RAD51B: variants seen among roughly 807,000 people sequenced by gnomAD.
RAD51B encodes DNA repair protein RAD51 homolog 2.
A neutral mutation model predicts 42.2 loss-of-function variants in RAD51B; 38 were observed. That is an observed-to-expected ratio of 0.90 (90% confidence interval 0.70 to 1.18). The LOEUF (loss-of-function observed/expected upper bound fraction) is 1.18. Ranked by LOEUF, RAD51B falls within the 50% of genes most tolerant of loss-of-function variation. RAD51B has a pLI of 0.00. For missense variants in RAD51B, 373 were observed against 400.7 expected (o/e 0.93, Z 0.59); for synonymous variants, 154 against 145.2 (o/e 1.06, Z -0.43).
intron 8 of RAD51B, among the ~76,000 whole-genome samples, chr14:68,307,933 G>A (rs1214710013): frequency 3.9e-5 from 6 of 152,130 alleles, no homozygotes; most frequent in Admixed American, 1.3e-4. Context: ...TCTTACTGTT[G>A]TTCTTGCAAC....
At chr14:68,182,654 C>A (rs2079078597) in intron 7 of RAD51B, among the ~76,000 whole-genome samples, 1 of 152,186 alleles carries the variant, frequency 6.6e-6, no homozygotes, top group Non-Finnish European at 1.5e-5. Context: ...TGTTTAATTT[C>A]CTCACCACAT....
intron 7 of RAD51B, among the ~76,000 whole-genome samples, chr14:68,172,006 C>T (rs1026534402): frequency 2.6e-5 from 4 of 152,224 alleles, no homozygotes; most frequent in African/African-American, 9.6e-5. Flanking sequence ...CACACCCAGC[C>T]ATATTTCTCA....
intron 7 of RAD51B, among the ~76,000 whole-genome samples, chr14:68,097,946 A>G (rs1845925995): frequency 2.0e-5 from 3 of 152,038 alleles, no homozygotes; most frequent in Admixed American, 1.3e-4. Flanking sequence ...TGCATACTCC[A>G]TTTCCTCCCA....
chr14:68,437,380 C>A (rs868185202), intron 9 of RAD51B, among the ~76,000 whole-genome samples: 2 of 152,160 alleles, frequency 1.3e-5, no homozygotes, highest in Non-Finnish European at 2.9e-5. Context: ...GGTGAATTAA[C>A]TTTTTTATGT....
intron 7 of RAD51B, among the ~76,000 whole-genome samples, chr14:68,093,196 A>T (rs938754375): frequency 2.0e-5 from 3 of 151,838 alleles, no homozygotes; most frequent in Non-Finnish European, 2.9e-5. Context: ...CTTTGGTATC[A>T]GGATGATGCT....
At chr14:68,088,675 G>C (rs1327589132) in intron 7 of RAD51B, among the ~76,000 whole-genome samples, 1 of 132,794 alleles carries the variant, frequency 7.5e-6, no homozygotes, top group Non-Finnish European at 1.6e-5. Context: ...GATTGAGATG[G>C]AAAGAGTGGC....
chr14:67,956,640 A>G (rs1041369021), intron 7 of RAD51B, among the ~76,000 whole-genome samples: 1 of 152,242 alleles, frequency 6.6e-6, no homozygotes, highest in Non-Finnish European at 1.5e-5. Context: ...TCAGTAAACT[A>G]TACTTTAAAG....
chr14:68,311,374 A>G (rs1454293396), intron 8 of RAD51B, among the ~76,000 whole-genome samples: 1 of 152,212 alleles, frequency 6.6e-6, no homozygotes, highest in Non-Finnish European at 1.5e-5. Context: ...ATAAATGACA[A>G]TGCCACCAGC....
At chr14:67,959,730 A>G (rs1165927940) in intron 7 of RAD51B, among the ~76,000 whole-genome samples, 1 of 152,202 alleles carries the variant, frequency 6.6e-6, no homozygotes, top group Non-Finnish European at 1.5e-5. Context: ...TACTAATTAT[A>G]TATTTGCTTA....
chr14:68,379,965 A>T (rs1003092095), intron 8 of RAD51B, among the ~76,000 whole-genome samples: 3 of 152,244 alleles, frequency 2.0e-5, no homozygotes, highest in Admixed American at 6.5e-5. Flanking sequence ...ATACTCATAA[A>T]TGCTAGTTAT....
chr14:68,213,384 G>A (rs1324327490), intron 7 of RAD51B, among the ~76,000 whole-genome samples: 2 of 152,204 alleles, frequency 1.3e-5, no homozygotes, highest in African/African-American at 4.8e-5. Context: ...AAGAGGCACA[G>A]ATGGCAGAGG....
intron 7 of RAD51B, among the ~76,000 whole-genome samples, chr14:68,017,869 G>A (rs1184324753): frequency 6.6e-6 from 1 of 152,066 alleles, no homozygotes; most frequent in Non-Finnish European, 1.5e-5. Context: ...TACTCGGGAC[G>A]CTGAGGCAGG....
intron 5 of RAD51B, 74 bp downstream of exon 5, chr14:67,865,213 G>GTTAACAT: frequency 7.7e-7 from 1 of 1,295,440 alleles, no homozygotes; most frequent in Non-Finnish European, 1.0e-6. Context: ...TTACACATAG[G>GTTAACAT]TTAACATTTA....
intron 7 of RAD51B, among the ~76,000 whole-genome samples, chr14:67,945,734 G>T (rs527268650): frequency 6.6e-6 from 1 of 152,126 alleles, no homozygotes; most frequent in Non-Finnish European, 1.5e-5. Flanking sequence ...GCCTCCCAAA[G>T]TGCTGGGATT....
chr14:68,558,115 C>A (rs567221830), intron 10 of RAD51B, among the ~76,000 whole-genome samples: 44 of 152,326 alleles, frequency 2.9e-4, no homozygotes, highest in African/African-American at 9.4e-4. Context: ...TCCAGGTGAT[C>A]AAGCTTGGGC....
At chr14:68,493,356 A>T (rs1330298771) in intron 10 of RAD51B, among the ~76,000 whole-genome samples, 1 of 152,162 alleles carries the variant, frequency 6.6e-6, no homozygotes, top group Non-Finnish European at 1.5e-5. Flanking sequence ...AAAAATCTGG[A>T]TGGTATCTGC....
At chr14:68,220,334 A>G (rs1243175882) in intron 7 of RAD51B, among the ~76,000 whole-genome samples, 1 of 152,242 alleles carries the variant, frequency 6.6e-6, no homozygotes, top group Non-Finnish European at 1.5e-5. Flanking sequence ...TAAATGTGAT[A>G]TACCACATAA....
chr14:67,925,365 T>C (rs890020318), intron 7 of RAD51B, among the ~76,000 whole-genome samples: 2 of 151,554 alleles, frequency 1.3e-5, no homozygotes, highest in Non-Finnish European at 2.9e-5. Flanking sequence ...CTCTGCCTCC[T>C]GAGTTCAAGC....
At chr14:68,162,833 G>A (rs1195644293) in intron 7 of RAD51B, among the ~76,000 whole-genome samples, 1 of 152,048 alleles carries the variant, frequency 6.6e-6, no homozygotes, top group African/African-American at 2.4e-5. Context: ...CTGAGCCAAA[G>A]CATTTCTAAA....
Sources: gnomAD v4.1 joint callset for allele counts (sites outside exome capture counted in the v4.1 genomes callset) on GRCh38, gnomAD v4.1.1 for gene constraint, MANE v1.5 for transcripts, NCBI Gene and HGNC (gene_info 2026-07-23, HGNC 2026-07-21) for gene names.